Variants in UST observed in about 807,000 individuals in gnomAD.
UST encodes the protein chondroitin sulfate 2-O-sulfotransferase.
In UST, 21 loss-of-function variants were observed where a neutral mutation model predicts 45.6. That is an observed-to-expected ratio of 0.46 (90% CI 0.33 to 0.66). UST has a LOEUF of 0.66. Ranked by LOEUF, UST falls within the 30% of genes least tolerant of loss-of-function variation. UST has a pLI of 0.02. For synonymous variants in UST, 215 were observed against 200.6 expected (o/e 1.07, Z -0.61); for missense variants, 463 against 512.4 (o/e 0.90, Z 0.93).
intron 1 of UST, among the ~76,000 whole-genome samples, chr6:148,840,399 G>A (rs1231796600): frequency 1.3e-5 from 2 of 152,180 alleles, no homozygotes; most frequent in East Asian, 3.9e-4. Flanking sequence ...TTGCTAGAAT[G>A]CACCTCTTTT....
chr6:149,059,042 A>G (rs1179194583), intron 7 of UST, among the ~76,000 whole-genome samples: 1 of 152,224 alleles, frequency 6.6e-6, no homozygotes, highest in African/African-American at 2.4e-5. Flanking sequence ...GGAGAAAAGA[A>G]ACATAGCAAC....
At chr6:148,979,087 GTAACCTACGTGTCCTTTTTGA>G (rs749311334) in intron 5 of UST, among the ~76,000 whole-genome samples, 7 of 152,098 alleles carry the variant, frequency 4.6e-5, no homozygotes, top group Non-Finnish European at 8.8e-5. Flanking sequence ...GCATGCACCT[GTAACCTACGTGTCCTTTTTGA>G]TAACCCACCA....
intron 5 of UST, among the ~76,000 whole-genome samples, chr6:148,997,691 TG>T (rs1781478440): frequency 6.6e-6 from 1 of 152,252 alleles, no homozygotes; most frequent in Non-Finnish European, 1.5e-5. Context: ...GGGATTTTTT[TG>T]TTTGCTTTTT....
chr6:149,048,952 G>A (rs1776435194), intron 7 of UST, among the ~76,000 whole-genome samples: 1 of 152,194 alleles, frequency 6.6e-6, no homozygotes, highest in South Asian at 2.1e-4. Context: ...GGGGTAAAGA[G>A]CAAGTTAGTG....
chr6:148,988,291 A>G (rs1781271887), intron 5 of UST, among the ~76,000 whole-genome samples: 1 of 152,136 alleles, frequency 6.6e-6, no homozygotes, highest in African/African-American at 2.4e-5. Flanking sequence ...TTCAAAAAAC[A>G]GGCTGGGTGC....
At chr6:148,752,393 A>G (rs1582787774) in intron 1 of UST, among the ~76,000 whole-genome samples, 1 of 152,262 alleles carries the variant, frequency 6.6e-6, no homozygotes, top group East Asian at 1.9e-4. Flanking sequence ...TTGTTGACAT[A>G]GAAAAAATGA....
chr6:148,762,551 T>A (rs894851185), intron 1 of UST, among the ~76,000 whole-genome samples: 4 of 151,442 alleles, frequency 2.6e-5, no homozygotes, highest in African/African-American at 9.7e-5. Context: ...TTTTTTTTTT[T>A]AATAGATGCA....
In UST at chr6:148,941,314, G is replaced by T; in HGVS notation, c.327G>T (p.Arg109Ser). The T allele has an allele frequency of 6.2e-7, 1 of 1,612,554 alleles. No individual in the cohort carries two copies. The highest frequency in any genetic ancestry group is 8.5e-7 in the Non-Finnish European group (1 of 1,179,734). The change falls in exon 3 of 8, where the codon AGG becomes AGT. Residue 109 changes from arginine (R) to serine (S), a missense_variant. Arg to Ser is a moderately radical substitution (Grantham distance 110). Coordinates refer to ENST00000367463, the MANE Select transcript of UST (RefSeq NM_005715.3). ...TCCCAAGCCAGGTGGTGTACAACAG[G>T]GTAGGCAAGTGTGGGAGCCGTACTG... ...LPFPSQVVYN[R>S]VGKCGSRTVV...
At chr6:148,961,301 A>G (rs1273180568) in intron 4 of UST, among the ~76,000 whole-genome samples, 2 of 152,178 alleles carry the variant, frequency 1.3e-5, no homozygotes, top group Non-Finnish European at 2.9e-5. Flanking sequence ...GTGGTGACTG[A>G]AGGACAAAAG....
intron 1 of UST, among the ~76,000 whole-genome samples, chr6:148,814,701 GA>G (rs1777324173): frequency 6.6e-6 from 1 of 152,142 alleles, no homozygotes; most frequent in Non-Finnish European, 1.5e-5. Flanking sequence ...CAGATTTCCA[GA>G]ATCTCTACTG....
chr6:148,854,080 G>GA (rs1778156751), intron 1 of UST, among the ~76,000 whole-genome samples: 1 of 152,094 alleles, frequency 6.6e-6, no homozygotes, highest in African/African-American at 2.4e-5. Flanking sequence ...AAACAAAAAG[G>GA]TTTTTTTAAA....
rs143926933 is a variant in UST, at chr6:148,887,541, G to A, written c.291+512G>A. Among the ~76,000 whole-genome samples the A allele has an allele frequency of 1.6e-4, 24 of 152,338 alleles. No homozygotes were observed. In the Middle Eastern group the frequency reaches 0.01, roughly 65 times the overall value. The stretch of plus-strand genomic sequence containing the variant: ...TAAGCAGTTTTGTCTGACTTAAGGG[G>A]CAGAATAATCCTTTAGTATAGTTTC... On this transcript the variant is annotated intron_variant, in intron 2 of 7. Transcript: ENST00000367463.
intron 7 of UST, among the ~76,000 whole-genome samples, chr6:149,051,403 G>A (rs1225812852): frequency 6.6e-6 from 1 of 152,184 alleles, no homozygotes; most frequent in African/African-American, 2.4e-5. Flanking sequence ...GTGGTGGCGA[G>A]CATTCTGGAA....
At chr6:149,048,584 A>G (rs1326671776) in intron 7 of UST, among the ~76,000 whole-genome samples, 1 of 152,162 alleles carries the variant, frequency 6.6e-6, no homozygotes, top group Non-Finnish European at 1.5e-5. Context: ...AAATATGTTT[A>G]ATTGAAACTT....
rs71007930 is a variant in UST at position 148,946,510 on chromosome 6, CAAAAAAAA to C, written c.447+5088_447+5095del. On this transcript the variant is annotated intron_variant, in intron 3 of 7. Transcript: ENST00000367463. ...TGGGCGACAGAGCAAGACTCCATCTCAAAAAAAAAAAAAAAAAAAGGCCGGGTGCGGTG... is the reference window on the plus strand; with the variant it reads ...TGGGCGACAGAGCAAGACTCCATCTCAAAAAAAAAAAGGCCGGGTGCGGTG... 1.2e-4 allele frequency among the ~76,000 whole-genome samples: 4 copies of C among 33,944 alleles called. 1 individual carries two copies. The highest frequency in any genetic ancestry group is 1.9e-3 in the East Asian group (2 of 1,028). The allele number at this position is 33,944 out of a possible 152,430, so 22.3% of individuals were successfully genotyped here.
intron 5 of UST, among the ~76,000 whole-genome samples, chr6:148,989,531 G>T (rs1781308052): frequency 6.6e-6 from 1 of 152,192 alleles, no homozygotes; most frequent in South Asian, 2.1e-4. Flanking sequence ...CTTGTTCAGA[G>T]AAACTGAAAA....
intron 5 of UST, among the ~76,000 whole-genome samples, chr6:148,992,247 G>A (rs1781368069): frequency 6.6e-6 from 1 of 152,210 alleles, no homozygotes; most frequent in South Asian, 2.1e-4. Context: ...GCTCACGCCT[G>A]TAATCCCAGC....
At position 148,847,747 on chromosome 6, in the gene UST, A is replaced by G. The variant is rs569617584; in HGVS notation, c.248-39239A>G. Among the ~76,000 whole-genome samples the G allele has an allele frequency of 5.3e-5, 8 of 152,342 alleles. No homozygotes were observed. In the East Asian group the frequency reaches 1.3e-3, roughly 26 times the overall value. On this transcript the variant is annotated intron_variant, in intron 1 of 7. Transcript: ENST00000367463. ...GAATATTATATTTTTTACTGTTCTA[A>G]TGAATAGTTTCAGGGGCTCCAGCTT...
chr6:148,998,083 C>T (rs1781484930), intron 5 of UST, among the ~76,000 whole-genome samples: 1 of 152,186 alleles, frequency 6.6e-6, no homozygotes, highest in Non-Finnish European at 1.5e-5. Flanking sequence ...ACCTCTTCAG[C>T]TAAGAAGGCA....
Sources: gnomAD v4.1 joint callset for allele counts (sites outside exome capture counted in the v4.1 genomes callset) on GRCh38, gnomAD v4.1.1 for gene constraint, MANE v1.5 for transcripts, NCBI Gene and HGNC (gene_info 2026-07-23, HGNC 2026-07-21) for gene names.